Variants in CNTNAP2 observed in about 807,000 individuals in gnomAD.
CNTNAP2 encodes contactin-associated protein-like 2.
In CNTNAP2, 98 loss-of-function variants were observed where a neutral mutation model predicts 155.2. That is an observed-to-expected ratio of 0.63 (90% CI 0.54 to 0.75). CNTNAP2 has a LOEUF of 0.75. Ranked by LOEUF, CNTNAP2 falls within the 30% of genes least tolerant of loss-of-function variation. CNTNAP2 has a pLI of 0.00. For missense variants in CNTNAP2, 1,727 were observed against 1,688.1 expected, an observed-to-expected ratio of 1.02 and a Z score of -0.40; for synonymous variants, 651 against 631.2, an observed-to-expected ratio of 1.03 and a Z score of -0.47.
chr7:147,378,167 T>A (rs1362068752), intron 9 of CNTNAP2: 2 of 296,704 alleles, frequency 6.7e-6, no homozygotes, highest in South Asian at 2.9e-5. Flanking sequence ...TGTTTCTAAG[T>A]TTTTTTAAAT....
intron 9 of CNTNAP2, among the ~76,000 whole-genome samples, chr7:147,369,592 G>A (rs113831456): frequency 6.6e-6 from 1 of 152,072 alleles, no homozygotes; most frequent in African/African-American, 2.4e-5. Flanking sequence ...CTCAGTTTTG[G>A]AGGCCATATG....
chr7:148,058,816 G>A (rs1372253649), intron 15 of CNTNAP2, among the ~76,000 whole-genome samples: 1 of 152,158 alleles, frequency 6.6e-6, no homozygotes, highest in Non-Finnish European at 1.5e-5. Context: ...ATGCCTAATA[G>A]GGTAAATGTT....
intron 1 of CNTNAP2, among the ~76,000 whole-genome samples, chr7:146,275,397 T>C (rs1800148010): frequency 2.6e-5 from 4 of 152,194 alleles, no homozygotes; most frequent in Non-Finnish European, 5.9e-5. Flanking sequence ...ATAGTATTTC[T>C]TATTCAGAAT....
chr7:146,958,573 C>G (rs1797488669), intron 3 of CNTNAP2, among the ~76,000 whole-genome samples: 2 of 151,814 alleles, frequency 1.3e-5, no homozygotes, highest in Admixed American at 6.6e-5. Flanking sequence ...GCCACAACGC[C>G]CGGCTAATTT....
intron 19 of CNTNAP2, among the ~76,000 whole-genome samples, chr7:148,224,552 C>T (rs1795811451): frequency 6.6e-6 from 1 of 152,096 alleles, no homozygotes; most frequent in African/African-American, 2.4e-5. Context: ...GAAAGTACAT[C>T]TTTATTCTGT....
intron 1 of CNTNAP2, among the ~76,000 whole-genome samples, chr7:146,190,070 T>C (rs1798680325): frequency 6.6e-6 from 1 of 152,198 alleles, no homozygotes; most frequent in Non-Finnish European, 1.5e-5. Flanking sequence ...ACTTATAATA[T>C]GTCAGGTAAT....
At chr7:146,611,775 T>C (rs1249359779) in intron 1 of CNTNAP2, among the ~76,000 whole-genome samples, 1 of 152,196 alleles carries the variant, frequency 6.6e-6, no homozygotes, top group Non-Finnish European at 1.5e-5. Flanking sequence ...TTTATAGTAG[T>C]AATGCTTTTC....
chr7:147,113,608 A>G (rs1445054805), intron 5 of CNTNAP2, among the ~76,000 whole-genome samples: 1 of 152,094 alleles, frequency 6.6e-6, no homozygotes, highest in Non-Finnish European at 1.5e-5. Context: ...TAAAAACACC[A>G]GATGTCATGA....
chr7:147,631,659 A>T (rs980369697), intron 12 of CNTNAP2, among the ~76,000 whole-genome samples: 1 of 152,154 alleles, frequency 6.6e-6, no homozygotes, highest in African/African-American at 2.4e-5. Context: ...CAAAATAGAG[A>T]ATCCAGAAAT....
chr7:146,707,934 A>G (rs2129174532), intron 1 of CNTNAP2, among the ~76,000 whole-genome samples: 2 of 152,156 alleles, frequency 1.3e-5, no homozygotes, highest in East Asian at 3.9e-4. Flanking sequence ...GGAGTAGGAA[A>G]TTCAAAGCGA....
chr7:146,949,991 G>C (rs1296968443), intron 3 of CNTNAP2, among the ~76,000 whole-genome samples: 1 of 152,132 alleles, frequency 6.6e-6, no homozygotes, highest in Admixed American at 6.6e-5. Flanking sequence ...GTGCTCATCT[G>C]TCAGGAAATG....
At chr7:147,653,267 A>G (rs1232995623) in intron 13 of CNTNAP2, among the ~76,000 whole-genome samples, 1 of 151,968 alleles carries the variant, frequency 6.6e-6, no homozygotes, top group South Asian at 2.1e-4. Context: ...TCTTTTTTTG[A>G]TCTTTTCAGA....
intron 1 of CNTNAP2, among the ~76,000 whole-genome samples, chr7:146,624,209 T>C (rs1016633707): frequency 6.6e-6 from 1 of 152,070 alleles, no homozygotes; most frequent in Non-Finnish European, 1.5e-5. Context: ...CAGGCCATGC[T>C]TTGTCTGTTA....
intron 23 of CNTNAP2, among the ~76,000 whole-genome samples, chr7:148,412,407 G>A (rs1027963724): frequency 3.9e-5 from 6 of 152,226 alleles, no homozygotes; most frequent in South Asian, 4.1e-4. Context: ...GTATCTATAC[G>A]TTTATTTGTC....
At chr7:148,112,348 G>T (rs150888261) in intron 15 of CNTNAP2, among the ~76,000 whole-genome samples, 1,606 of 151,856 alleles carry the variant, frequency 0.011, 18 homozygotes, top group South Asian at 0.03. Flanking sequence ...AATACAAGTA[G>T]ATTTTATTGG....
chr7:148,014,773 A>C (rs955858231), intron 15 of CNTNAP2, among the ~76,000 whole-genome samples: 7 of 152,224 alleles, frequency 4.6e-5, no homozygotes, highest in African/African-American at 1.7e-4. Context: ...AAGAAAGAAA[A>C]GCTCTGGGTT....
chr7:147,078,235 A>G (rs1033528859), intron 4 of CNTNAP2, among the ~76,000 whole-genome samples: 19 of 152,218 alleles, frequency 1.2e-4, no homozygotes, highest in Admixed American at 8.5e-4. Flanking sequence ...TGCCAACTTT[A>G]TCTGCGAAAT....
At chr7:147,328,753 T>C (rs1479841) in intron 9 of CNTNAP2, among the ~76,000 whole-genome samples, 51,473 of 151,856 alleles carry the variant, frequency 0.34, 8,923 homozygotes, top group Middle Eastern at 0.39. Context: ...TACATGCATA[T>C]ACCATTTGAA....
chr7:147,934,109 CA>C (rs1341198721), intron 14 of CNTNAP2, among the ~76,000 whole-genome samples: 2 of 152,134 alleles, frequency 1.3e-5, no homozygotes, highest in African/African-American at 4.8e-5. Flanking sequence ...TTTAGTCATG[CA>C]AGATGGGTAT....
Sources: allele counts gnomAD v4.1 joint callset (sites outside exome capture counted in the v4.1 genomes callset), GRCh38; gene constraint gnomAD v4.1.1; transcripts MANE v1.5; gene names NCBI Gene and HGNC (gene_info 2026-07-23, HGNC 2026-07-21).